TNS1: variants seen among roughly 807,000 people sequenced by gnomAD.
The protein encoded by TNS1 is tensin 1.
A neutral mutation model predicts 168.6 loss-of-function variants in TNS1; 62 were observed. That is an observed-to-expected ratio of 0.37 (90% confidence interval 0.30 to 0.45). The LOEUF is 0.45. TNS1 is among the 20% of genes least tolerant of loss of function. The pLI, the probability that TNS1 is intolerant of heterozygous loss-of-function variation, is 1.00. For missense variants in TNS1, 2,240 were observed against 2,339.4 expected (o/e 0.96, Z 0.88); for synonymous variants, 934 against 933.2 (o/e 1.00, Z -0.02).
intron 24 of TNS1, among the ~76,000 whole-genome samples, chr2:217,815,988 C>G (rs1010326737): frequency 1.3e-5 from 2 of 152,202 alleles, no homozygotes; most frequent in African/African-American, 2.4e-5. Context: ...CCCACACACA[C>G]CCATGCCCAG....
At chr2:217,947,826 T>C (rs1957148196) in intron 3 of TNS1, among the ~76,000 whole-genome samples, 1 of 152,172 alleles carries the variant, frequency 6.6e-6, no homozygotes, top group Admixed American at 6.5e-5. Flanking sequence ...AACCCAGAGA[T>C]GCCTTCATTT....
chr2:217,840,544 C>T (rs1945807492), intron 19 of TNS1, among the ~76,000 whole-genome samples: 1 of 152,228 alleles, frequency 6.6e-6, no homozygotes, highest in Non-Finnish European at 1.5e-5. Flanking sequence ...AGGGCCAGGA[C>T]CCCAACCCAG....
At chr2:217,998,111 G>T (rs1958502466) in intron 1 of TNS1, among the ~76,000 whole-genome samples, 1 of 152,192 alleles carries the variant, frequency 6.6e-6, no homozygotes, top group Non-Finnish European at 1.5e-5. Flanking sequence ...ACCAAGGAAG[G>T]AAGGAGGGCA....
intron 4 of TNS1, among the ~76,000 whole-genome samples, chr2:217,912,575 A>T (rs1418756228): frequency 6.6e-6 from 1 of 152,188 alleles, no homozygotes; most frequent in Non-Finnish European, 1.5e-5. Context: ...CGAGGGCTGG[A>T]ATGGCCTCAG....
At chr2:217,899,114 A>G (rs925955661) in intron 7 of TNS1, among the ~76,000 whole-genome samples, 4 of 152,224 alleles carry the variant, frequency 2.6e-5, no homozygotes, top group Non-Finnish European at 5.9e-5. Flanking sequence ...AAGCCCCCAG[A>G]TGCTGAGAAG....
chr2:218,008,266 C>T (rs527746837), intron 1 of TNS1, among the ~76,000 whole-genome samples: 1 of 152,206 alleles, frequency 6.6e-6, no homozygotes, highest in Non-Finnish European at 1.5e-5. Context: ...ACTCAGGCCC[C>T]GCAAAGGCTG....
intron 18 of TNS1, chr2:217,849,776 C>T (rs1009467233): frequency 6.1e-6 from 6 of 985,406 alleles, no homozygotes; most frequent in Non-Finnish European, 7.2e-6. Context: ...GCATGGACGG[C>T]CAGTCGCCCC....
chr2:217,896,434 G>T (rs1952305098), intron 8 of TNS1, among the ~76,000 whole-genome samples: 1 of 152,226 alleles, frequency 6.6e-6, no homozygotes, highest in East Asian at 1.9e-4. Flanking sequence ...CTTGTAGGAA[G>T]AGAAGACACA....
intron 18 of TNS1, among the ~76,000 whole-genome samples, chr2:217,857,651 C>T (rs896104698): frequency 3.3e-5 from 5 of 152,222 alleles, no homozygotes; most frequent in Non-Finnish European, 7.3e-5. Context: ...TGATCGTGAC[C>T]TTGACTTCAG....
rs115854141 is a variant in TNS1 at position 217,953,734 on chromosome 2, G to A, written c.186+25031C>T. ...AGCCACAGGGTGGCCTAGGAGGACC[G>A]AGGGAGGGGACGTGGGATGTGCTGG... On this transcript the variant is annotated intron_variant, in intron 3 of 32. Coordinates refer to ENST00000682258, the MANE Select transcript of TNS1 (RefSeq NM_001387777.1). 5.4e-3 allele frequency among the ~76,000 whole-genome samples: 823 copies of A among 152,248 alleles called. 8 individuals carry two copies. The highest frequency in any genetic ancestry group is 0.019 in the African/African-American group (783 of 41,564).
At chr2:217,980,244 C>A (rs1958008146) in intron 2 of TNS1, among the ~76,000 whole-genome samples, 1 of 152,108 alleles carries the variant, frequency 6.6e-6, no homozygotes, top group Non-Finnish European at 1.5e-5. Flanking sequence ...AGGGACATCT[C>A]CACCCTGGCC....
chr2:217,833,242 G>GCT (rs1944703170), intron 21 of TNS1, among the ~76,000 whole-genome samples: 1 of 152,248 alleles, frequency 6.6e-6, no homozygotes, highest in Non-Finnish European at 1.5e-5. Context: ...CAGGGCAGGA[G>GCT]CTCTCTCTTG....
At position 217,813,876 on chromosome 2, in the gene TNS1, C is replaced by G; in HGVS notation, c.4730-60G>C. On this transcript the variant is annotated intron_variant, in intron 25 of 32. Transcript: ENST00000682258. This position sits in a 1 kb window ranked among gnomAD's most constrained non-coding sequence, Gnocchi z 4.0. ...CAAGACCTCGGTGGCGCTAGTTTTA[C>G]TTAAGTCTCATTGAGCCTACCGACC... 1.3e-6 allele frequency: 2 copies of G among 1,507,006 alleles called. No homozygotes were observed. Among genetic ancestry groups the G allele is most frequent in the Non-Finnish European group, 8.9e-7 (1 of 1,128,070 alleles). 93.4% of individuals were successfully genotyped at this position (1,507,006 alleles called of 1,614,324 possible).
At chr2:217,894,120 G>A (rs946331180) in intron 9 of TNS1, among the ~76,000 whole-genome samples, 1 of 152,188 alleles carries the variant, frequency 6.6e-6, no homozygotes, top group African/African-American at 2.4e-5. Flanking sequence ...GGGCAGACCT[G>A]AACAGCAGGC....
chr2:217,969,283 C>T lies in TNS1; in HGVS notation c.186+9482G>A, dbSNP rs147825301. On this transcript the variant is annotated intron_variant, in intron 3 of 32. Coordinates refer to ENST00000682258, the MANE Select transcript of TNS1 (RefSeq NM_001387777.1). The stretch of plus-strand genomic sequence containing the variant: ...AAATGGATAACCACATGCAAAACAG[C>T]ATTTACCTTACTTCACATCATATAT... Among the ~76,000 whole-genome samples the T allele has an allele frequency of 1.1e-3, 163 of 152,266 alleles. 1 individual carries two copies. In the East Asian group the frequency reaches 0.028, roughly 26 times the overall value.
intron 3 of TNS1, among the ~76,000 whole-genome samples, chr2:217,921,893 A>T (rs1365686546): frequency 6.6e-6 from 1 of 152,194 alleles, no homozygotes; most frequent in Non-Finnish European, 1.5e-5. Flanking sequence ...TGCGCGGGGC[A>T]TGGATGGGTT....
intron 4 of TNS1, among the ~76,000 whole-genome samples, chr2:217,918,129 G>A (rs1198124356): frequency 1.3e-5 from 2 of 152,196 alleles, no homozygotes; most frequent in Admixed American, 6.5e-5. Flanking sequence ...CCAGTGAGGT[G>A]GGCCAGCATT....
rs186419735 is a variant in TNS1 at position 217,885,178 on chromosome 2, C to T, written c.1117-14G>A. The T allele has an allele frequency of 3.6e-5, 58 of 1,614,076 alleles. No homozygotes were observed. The highest frequency in any genetic ancestry group is 3.1e-4 in the African/African-American group (23 of 75,052). On this transcript the variant is annotated splice_polypyrimidine_tract_variant and intron_variant, in intron 15 of 32. Coordinates refer to ENST00000682258, the MANE Select transcript of TNS1 (RefSeq NM_001387777.1). ...GTAGCACTTCAGCTGGGTGGGAAGA[C>T]GGGCAGAACCAGTCAGGGGCCTGAG...
At chr2:217,927,365 C>T (rs1320861609) in intron 3 of TNS1, among the ~76,000 whole-genome samples, 2 of 152,108 alleles carry the variant, frequency 1.3e-5, no homozygotes, top group African/African-American at 2.4e-5. Context: ...GATGGCACAA[C>T]GGTCTTTCTA....
Sources: allele counts gnomAD v4.1 joint callset (sites outside exome capture counted in the v4.1 genomes callset), GRCh38; gene constraint gnomAD v4.1.1; non-coding constraint Gnocchi (gnomAD v3.1); transcripts MANE v1.5; gene names NCBI Gene and HGNC (gene_info 2026-07-23, HGNC 2026-07-21).